NEDD9: variants seen among roughly 807,000 people sequenced by gnomAD.
NEDD9 encodes neural precursor cell expressed, developmentally down-regulated 9, also known as enhancer of filamentation 1.
In NEDD9, 26 loss-of-function variants were observed where a neutral mutation model predicts 76.6. The observed-to-expected ratio is 0.34, with a 90% CI of 0.25 to 0.47. The LOEUF (loss-of-function observed/expected upper bound fraction) is 0.47, where lower values mean the gene tolerates loss of function less well. NEDD9 is among the 20% of genes least tolerant of loss of function. NEDD9 has a pLI of 1.00. For missense variants in NEDD9, 937 were observed against 1,058.5 expected (o/e 0.89, Z 1.59); for synonymous variants, 392 against 414.2 (o/e 0.95, Z 0.65).
intron 2 of NEDD9, among the ~76,000 whole-genome samples, chr6:11,212,869 G>A (rs935101014): frequency 1.3e-5 from 2 of 152,192 alleles, no homozygotes; most frequent in Non-Finnish European, 2.9e-5. Context: ...TCAGCTTTTG[G>A]CCAAGGGAGG....
Position 11,213,625 on chromosome 6 carries a change from C to T in NEDD9, c.115G>A (p.Gly39Arg). The T allele has an allele frequency of 1.2e-6, 2 of 1,614,154 alleles. No homozygotes were observed. Among genetic ancestry groups the T allele is most frequent in the Non-Finnish European group, 1.7e-6 (2 of 1,180,036 alleles). Residue 39 changes from glycine (G) to arginine (R), a missense_variant, in exon 2 of 7, where the codon GGA (glycine) becomes AGA (arginine). Physicochemically the swap from Gly to Arg is moderately radical, Grantham distance 125. Transcript: ENST00000379446. The surrounding 1 kb of genome is among the most constrained non-coding windows in gnomAD (Gnocchi z 5.4). ...ILTVIEQNTG[G>R]LEGWWLCSLH... ...GAGCACAGCCACCATCCTTCCAGTC[C>T]CCCTGTGTTCTGCTCTATGACGGTC...
intron 3 of NEDD9, among the ~76,000 whole-genome samples, chr6:11,302,253 C>G (rs1470100955): frequency 4.6e-5 from 7 of 152,170 alleles, no homozygotes; most frequent in Non-Finnish European, 1.0e-4. Context: ...TGCAAATAAA[C>G]TAGAAAATCT....
intron 1 of NEDD9, among the ~76,000 whole-genome samples, chr6:11,222,621 C>T (rs1180013020): frequency 1.3e-5 from 2 of 152,142 alleles, no homozygotes; most frequent in Non-Finnish European, 2.9e-5. Flanking sequence ...TCTTAAAGAC[C>T]CAGCTCTAAA....
chr6:11,324,641 C>T (rs958362514), intron 2 of NEDD9, among the ~76,000 whole-genome samples: 6 of 152,238 alleles, frequency 3.9e-5, no homozygotes, highest in Non-Finnish European at 8.8e-5. Context: ...ACAGGAGATA[C>T]GTGTGCCTGT....
chr6:11,320,474 C>T (rs533722129), intron 2 of NEDD9, among the ~76,000 whole-genome samples: 5 of 152,140 alleles, frequency 3.3e-5, no homozygotes, highest in East Asian at 1.9e-4. Context: ...CTACGATAAG[C>T]GATTTGTTCG....
intron 3 of NEDD9, among the ~76,000 whole-genome samples, chr6:11,299,028 G>A (rs1002140346): frequency 1.3e-5 from 2 of 152,170 alleles, no homozygotes; most frequent in Non-Finnish European, 2.9e-5. Context: ...GCTGAAGCAG[G>A]GTGGGGCATT....
In NEDD9 at chr6:11,344,195, T is replaced by G. The variant is rs565753773; in HGVS notation, c.-213-9634A>C. Among the ~76,000 whole-genome samples, 4 of 152,320 alleles carry G rather than the reference T, an allele frequency of 2.6e-5. No individual in the cohort carries two copies. The East Asian group carries it at 7.7e-4, about 29-fold the overall frequency. On this transcript the variant is annotated intron_variant, in intron 1 of 3. Transcript: ENST00000397378. ...ATCTCTGGCTACAAAAATGTGCTGA[T>G]AAGAATATGTGATAGACATAATATT...
At chr6:11,317,422 AT>A in intron 2 of NEDD9, among the ~76,000 whole-genome samples, 1 of 151,702 alleles carries the variant, frequency 6.6e-6, no homozygotes, top group Non-Finnish European at 1.5e-5. Context: ...TCTCAAAAAA[AT>A]AAATTAAAAA....
At chr6:11,248,595 T>C (rs563106481) in intron 3 of NEDD9, among the ~76,000 whole-genome samples, 6 of 152,374 alleles carry the variant, frequency 3.9e-5, no homozygotes, top group African/African-American at 1.4e-4. Context: ...GGGGCTTGGC[T>C]GTTCTGCTGG....
intron 1 of NEDD9, among the ~76,000 whole-genome samples, chr6:11,366,115 C>A (rs536326774): frequency 6.6e-6 from 1 of 152,182 alleles, no homozygotes; most frequent in African/African-American, 2.4e-5. Flanking sequence ...GAAACCCAGT[C>A]TCTATTAAAA....
At chr6:11,244,275 A>G (rs932624854) in intron 3 of NEDD9, among the ~76,000 whole-genome samples, 2 of 151,060 alleles carry the variant, frequency 1.3e-5, no homozygotes, top group Admixed American at 6.6e-5. Flanking sequence ...ACACACACAC[A>G]CGTGTGTGCA....
intron 3 of NEDD9, among the ~76,000 whole-genome samples, chr6:11,299,745 C>T (rs1458548558): frequency 6.6e-6 from 1 of 152,186 alleles, no homozygotes; most frequent in Admixed American, 6.5e-5. Flanking sequence ...CTCCAGCAAA[C>T]TCCAACAGAC....
chr6:11,312,878 T>C (rs1761416519), intron 2 of NEDD9, among the ~76,000 whole-genome samples: 1 of 152,028 alleles, frequency 6.6e-6, no homozygotes, highest in Non-Finnish European at 1.5e-5. Flanking sequence ...CATTCTACAA[T>C]AAAATGTTTT....
At chr6:11,186,340 AG>A (rs1757980652) in intron 6 of NEDD9, among the ~76,000 whole-genome samples, 1 of 152,250 alleles carries the variant, frequency 6.6e-6, no homozygotes, top group African/African-American at 2.4e-5. Context: ...AGCTGTTAAA[AG>A]AAGGGGGTTT....
chr6:11,234,756 C>G (rs1759564688), upstream of NEDD9, among the ~76,000 whole-genome samples: 1 of 150,276 alleles, frequency 6.7e-6, no homozygotes, highest in Admixed American at 6.6e-5. Flanking sequence ...ATTCTTGTTG[C>G]CCAGGCTGGA....
chr6:11,321,228 G>A (rs1232574526), intron 2 of NEDD9, among the ~76,000 whole-genome samples: 2 of 132,026 alleles, frequency 1.5e-5, no homozygotes, highest in Non-Finnish European at 3.2e-5. Context: ...AGGGAGGAAG[G>A]AAGGGAGGGA....
At chr6:11,188,741 G>C (rs1758044675) in intron 5 of NEDD9, among the ~76,000 whole-genome samples, 1 of 152,170 alleles carries the variant, frequency 6.6e-6, no homozygotes, top group Non-Finnish European at 1.5e-5. Flanking sequence ...CCAGTAAGAT[G>C]AATGTTCAAT....
intron 3 of NEDD9, among the ~76,000 whole-genome samples, chr6:11,269,319 A>T (rs1250084316): frequency 1.3e-5 from 2 of 152,210 alleles, no homozygotes; most frequent in African/African-American, 4.8e-5. Context: ...TAGCTATGCT[A>T]TTTGTTTTGG....
At chr6:11,250,039 C>A (rs1759886829) in intron 3 of NEDD9, among the ~76,000 whole-genome samples, 1 of 152,204 alleles carries the variant, frequency 6.6e-6, no homozygotes, top group Non-Finnish European at 1.5e-5. Context: ...TGAGCTCCCC[C>A]ACTGCCTGTC....
Sources: gnomAD v4.1 joint callset for allele counts (sites outside exome capture counted in the v4.1 genomes callset) on GRCh38, gnomAD v4.1.1 for gene constraint, Gnocchi (gnomAD v3.1) non-coding constraint, MANE v1.5 for transcripts, NCBI Gene and HGNC (gene_info 2026-07-23, HGNC 2026-07-21) for gene names.